CREB5: variants seen among roughly 807,000 people sequenced by gnomAD.
CREB5 encodes the protein cyclic AMP-responsive element-binding protein 5.
Under a neutral mutation model 57.1 loss-of-function variants are expected in CREB5, and 19 were observed. The observed-to-expected ratio is 0.33, with a 90% CI of 0.23 to 0.49. The LOEUF (loss-of-function observed/expected upper bound fraction) is 0.49, where lower values mean the gene tolerates loss of function less well. Ranked by LOEUF, CREB5 falls within the 20% of genes least tolerant of loss-of-function variation. CREB5 has a pLI of 0.99. For synonymous variants in CREB5, 238 were observed against 238.3 expected, an observed-to-expected ratio of 1.00 and a Z score of 0.01; for missense variants, 579 against 671.6, an observed-to-expected ratio of 0.86 and a Z score of 1.52.
chr7:28,702,367 A>G lies in CREB5; in HGVS notation c.465-16386A>G, dbSNP rs201375373. ...AAGCAAAATTATAAGCCTTGGAAAGAAAACATTTCCATTTGGCATTTTCAC... is the reference window on the plus strand; with the variant it reads ...AAGCAAAATTATAAGCCTTGGAAAGGAAACATTTCCATTTGGCATTTTCAC... On this transcript the variant is annotated intron_variant, in intron 5 of 10. Transcript: ENST00000357727. Among the ~76,000 whole-genome samples, 3 of 152,256 alleles carry G rather than the reference A, an allele frequency of 2.0e-5. No individual in the cohort carries two copies. In the East Asian group the frequency reaches 5.8e-4, roughly 29 times the overall value.
At chr7:28,693,468 GT>G (rs1801379118) in intron 5 of CREB5, among the ~76,000 whole-genome samples, 1 of 152,050 alleles carries the variant, frequency 6.6e-6, no homozygotes, top group African/African-American at 2.4e-5. Flanking sequence ...TTTTGGGCCT[GT>G]CTGCCCACTT....
At chr7:28,439,218 T>A (rs2128559664) in intron 1 of CREB5, among the ~76,000 whole-genome samples, 1 of 152,276 alleles carries the variant, frequency 6.6e-6, no homozygotes, top group Admixed American at 6.5e-5. Flanking sequence ...CCTGACTATA[T>A]CAACCCTCTG....
chr7:28,702,262 G>A (rs1053525832), intron 5 of CREB5, among the ~76,000 whole-genome samples: 2 of 152,188 alleles, frequency 1.3e-5, no homozygotes, highest in African/African-American at 4.8e-5. Context: ...CTTCTGGAGA[G>A]CTTCAACAAC....
At chr7:28,336,718 C>A (rs1233952722) in intron 1 of CREB5, among the ~76,000 whole-genome samples, 2 of 151,704 alleles carry the variant, frequency 1.3e-5, no homozygotes, top group Admixed American at 6.6e-5. Flanking sequence ...TTTACTATTT[C>A]TTTCCTTCTA....
intron 9 of CREB5, among the ~76,000 whole-genome samples, chr7:28,815,675 A>C (rs976286377): frequency 1.3e-5 from 2 of 152,166 alleles, no homozygotes; most frequent in African/African-American, 4.8e-5. Flanking sequence ...GGGGCAATGA[A>C]CACTTTGTGC....
chr7:28,755,213 A>AAATACT (rs1242108789), intron 7 of CREB5, among the ~76,000 whole-genome samples: 1 of 152,232 alleles, frequency 6.6e-6, no homozygotes, highest in Non-Finnish European at 1.5e-5. Context: ...GACTTGGAGA[A>AAATACT]AATACTTTGT....
intron 5 of CREB5, among the ~76,000 whole-genome samples, chr7:28,658,867 A>G (rs1430528272): frequency 6.6e-6 from 1 of 150,720 alleles, no homozygotes; most frequent in East Asian, 2.0e-4. Flanking sequence ...ACTATTTCCA[A>G]TAAATGAATG....
intron 1 of CREB5, among the ~76,000 whole-genome samples, chr7:28,341,832 T>C (rs752493962): frequency 3.3e-5 from 5 of 152,230 alleles, no homozygotes; most frequent in Non-Finnish European, 7.3e-5. Context: ...AAGGGATTGA[T>C]CCCAAGTTCA....
Position 28,819,899 on chromosome 7 carries a change from C to T in CREB5, c.*620C>T, listed in dbSNP as rs575798159. ...TGCCCAGTTTTCTTCTCCATTTCCA[C>T]TTTTTCTTAGGCTCCCTATTTACTA... On this transcript the variant is annotated 3_prime_UTR_variant, in exon 11 of 11. Transcript: ENST00000357727. The T allele has an allele frequency of 6.6e-6, 1 of 151,704 alleles. No homozygotes were observed. Among genetic ancestry groups the T allele is most frequent in the East Asian group, 1.9e-4 (1 of 5,154 alleles). 9.4% of individuals were successfully genotyped at this position (151,704 alleles called of 1,614,324 possible).
At chr7:28,489,868 A>C (rs1791723822) in intron 2 of CREB5, among the ~76,000 whole-genome samples, 1 of 152,210 alleles carries the variant, frequency 6.6e-6, no homozygotes, top group African/African-American at 2.4e-5. Context: ...ACTAGGAAAA[A>C]AACAGAGTGA....
chr7:28,735,595 T>C (rs1038132738), intron 7 of CREB5, among the ~76,000 whole-genome samples: 1 of 152,186 alleles, frequency 6.6e-6, no homozygotes, highest in Non-Finnish European at 1.5e-5. Context: ...TAATGGAGTA[T>C]TCTTTTAAAG....
chr7:28,528,915 C>G (rs1793590049), intron 4 of CREB5, among the ~76,000 whole-genome samples: 1 of 152,116 alleles, frequency 6.6e-6, no homozygotes, highest in Non-Finnish European at 1.5e-5. Flanking sequence ...CCGGGATATC[C>G]TAACCTTGTT....
At chr7:28,450,083 T>C (rs1789718977) in intron 1 of CREB5, among the ~76,000 whole-genome samples, 1 of 152,264 alleles carries the variant, frequency 6.6e-6, no homozygotes, top group African/African-American at 2.4e-5. Flanking sequence ...GCTGTTATTT[T>C]GCAAAATCGA....
chr7:28,718,559 T>C (rs1363069842), intron 5 of CREB5, among the ~76,000 whole-genome samples, 194 bp from the exon 6 acceptor site: 2 of 152,170 alleles, frequency 1.3e-5, no homozygotes, highest in Non-Finnish European at 2.9e-5. Flanking sequence ...ATATATTAAC[T>C]AGGAAGCAGC....
intron 1 of CREB5, among the ~76,000 whole-genome samples, chr7:28,361,267 G>T (rs1040496452): frequency 3.9e-5 from 6 of 152,146 alleles, no homozygotes; most frequent in Non-Finnish European, 5.9e-5. Flanking sequence ...TCCCGTTATG[G>T]CTCTTTCTAG....
chr7:28,800,429 C>T (rs1335728811), intron 7 of CREB5, among the ~76,000 whole-genome samples: 2 of 152,196 alleles, frequency 1.3e-5, no homozygotes, highest in Admixed American at 1.3e-4. Flanking sequence ...CTACGCCCTG[C>T]AGGGACCACA....
At chr7:28,809,157 C>G in intron 8 of CREB5, 30 bp from the exon 9 acceptor site, 1 of 1,583,292 alleles carries the variant, frequency 6.3e-7, no homozygotes, top group South Asian at 1.2e-5. Flanking sequence ...TTCCCTATCC[C>G]CATCACCTCC....
At chr7:28,726,263 T>G (rs987447518) in intron 7 of CREB5, among the ~76,000 whole-genome samples, 6 of 152,294 alleles carry the variant, frequency 3.9e-5, no homozygotes, top group African/African-American at 1.4e-4. Flanking sequence ...AGCTATTCTC[T>G]GCCCCAAGCT....
chr7:28,516,704 C>T lies in CREB5; in HGVS notation c.291+8967C>T, dbSNP rs181964443. ...CTGGGGAAAAGGTAGCTTTTCCCAG[C>T]AGGGAACTTTCTCATCAGGGTGATT... On this transcript the variant is annotated intron_variant, in intron 4 of 10. Coordinates refer to ENST00000357727, the MANE Select transcript of CREB5 (RefSeq NM_182898.4). Among the ~76,000 whole-genome samples the T allele has an allele frequency of 3.1e-3, 477 of 152,338 alleles. 1 individual carries two copies. Among genetic ancestry groups the T allele is most frequent in the African/African-American group, 0.011 (458 of 41,596 alleles).
Sources: gnomAD v4.1 joint callset for allele counts (sites outside exome capture counted in the v4.1 genomes callset) on GRCh38, gnomAD v4.1.1 for gene constraint, MANE v1.5 for transcripts, NCBI Gene and HGNC (gene_info 2026-07-23, HGNC 2026-07-21) for gene names.